The following KDELR3 variants were observed in gnomAD, a reference collection of about 807,000 sequenced individuals.
The protein encoded by KDELR3 is KDEL endoplasmic reticulum protein retention receptor 3, also known as ER lumen protein-retaining receptor 3.
Under a neutral mutation model 22.7 loss-of-function variants are expected in KDELR3, and 26 were observed. That is an observed-to-expected ratio of 1.15 (90% CI 0.84 to 1.59). The LOEUF is 1.59. Among genes scored for constraint, KDELR3 ranks in the 40% most tolerant of loss-of-function variants. The probability of loss-of-function intolerance (pLI) is 0.00; values close to 1 mark genes in which losing one functional copy is unlikely to be tolerated. For missense variants in KDELR3, 289 were observed against 251.1 expected (o/e 1.15, Z -1.02); for synonymous variants, 120 against 98.2 (o/e 1.22, Z -1.31).
Position 38,481,455 on chromosome 22 carries a change from G to A in KDELR3, c.595G>A (p.Val199Met). ...IFYCDFFYLY[V>M]TKVLKGKKLS... Reference sequence around the variant, plus strand: ...CTACTGTGACTTCTTCTACTTGTATGTGACCAAAGGTAGGTCCTGGGATGA... The same window carrying A: ...CTACTGTGACTTCTTCTACTTGTATATGACCAAAGGTAGGTCCTGGGATGA... The change falls in exon 4 of 5, where the codon GTG (valine) becomes ATG (methionine). Residue 199 changes from valine (V) to methionine (M), a missense_variant. Physicochemically the swap from Val to Met is conservative, Grantham distance 21. Transcript: ENST00000216014. 6.2e-7 allele frequency: 1 copy of A among 1,614,128 alleles called. No homozygotes were observed. Among genetic ancestry groups the A allele is most frequent in the Non-Finnish European group, 8.5e-7 (1 of 1,180,026 alleles).
chr22:38,482,485 T>G lies in KDELR3; in HGVS notation c.605-11T>G. On this transcript the variant is annotated splice_polypyrimidine_tract_variant and intron_variant, in intron 4 of 4. Coordinates refer to ENST00000216014, the MANE Select transcript of KDELR3 (RefSeq NM_006855.4). The stretch of plus-strand genomic sequence containing the variant: ...ATGGTAAATTCTTATTTCATCTCCA[T>G]TTTCTTCCAGTCCTTAAGGGAAAGA... 6.2e-7 allele frequency: 1 copy of G among 1,607,788 alleles called. No individual in the cohort carries two copies. The highest frequency in any genetic ancestry group is 1.1e-5 in the South Asian group (1 of 90,936).
In KDELR3 at chr22:38,479,873, T is replaced by C. The variant is rs1447188716; in HGVS notation, c.351+122T>C. ...CCATTACTCATGTATCTTTCAGTTA[T>C]AAGTTGAGAAGAAATTGACAAGCTA... is the stretch of plus-strand genomic sequence containing the variant. On this transcript the variant is annotated intron_variant, in intron 3 of 4. Coordinates refer to ENST00000216014, the MANE Select transcript of KDELR3 (RefSeq NM_006855.4). 1.4e-5 allele frequency: 13 copies of C among 909,146 alleles called. No homozygotes were observed. In the East Asian group the frequency reaches 2.9e-4, roughly 20 times the overall value. 56.3% of individuals were successfully genotyped at this position (909,146 alleles called of 1,614,324 possible).
chr22:38,481,915 G>C (rs2089605653), intron 4 of KDELR3, among the ~76,000 whole-genome samples: 1 of 152,132 alleles, frequency 6.6e-6, no homozygotes, highest in Non-Finnish European at 1.5e-5. Flanking sequence ...TACACTGATA[G>C]CTTATGAGCA....
chr22:38,481,436 T>G lies in KDELR3; in HGVS notation c.576T>G (p.Cys192Trp). The change falls in exon 4 of 5, where the codon TGT (cysteine) becomes TGG (tryptophan). Residue 192 changes from cysteine to tryptophan, a missense_variant. By Grantham distance (215) the Cys-to-Trp change is radical. Transcript: ENST00000216014. Reference sequence around the variant, plus strand: ...GAGTAGTACAAACCATCTTCTACTGTGACTTCTTCTACTTGTATGTGACCA... The same window carrying G: ...GAGTAGTACAAACCATCTTCTACTGGGACTTCTTCTACTTGTATGTGACCA... ...VSGVVQTIFYCDFFYLYVTKV... is the reference protein window; with the variant it reads ...VSGVVQTIFYWDFFYLYVTKV... The G allele has an allele frequency of 1.2e-6, 2 of 1,614,206 alleles. No homozygotes were observed. Among genetic ancestry groups the G allele is most frequent in the Non-Finnish European group, 1.7e-6 (2 of 1,180,022 alleles).
intron 2 of KDELR3, among the ~76,000 whole-genome samples, chr22:38,476,671 C>CGTG (rs1477594181): frequency 6.6e-6 from 1 of 151,348 alleles, no homozygotes; most frequent in Non-Finnish European, 1.5e-5. Flanking sequence ...ATTACAGGCA[C>CGTG]CCACCACCAC....
chr22:38,474,781 G>C (rs2089547125), intron 2 of KDELR3, among the ~76,000 whole-genome samples, 158 bp downstream of exon 2: 1 of 152,066 alleles, frequency 6.6e-6, no homozygotes, highest in South Asian at 2.1e-4. Context: ...GGGCCTCTTT[G>C]TATGTCAGTG....
intron 4 of KDELR3, 151 bp from the exon 5 acceptor site, chr22:38,482,345 G>C: frequency 1.5e-6 from 1 of 669,084 alleles, no homozygotes; most frequent in East Asian, 2.7e-5. Context: ...TAGGTCCATA[G>C]TCAACCGGAG....
rs969321159 is a variant in KDELR3, at chr22:38,481,678, G to C, written c.604+214G>C. On this transcript the variant is annotated intron_variant, in intron 4 of 4. Coordinates refer to ENST00000216014, the MANE Select transcript of KDELR3 (RefSeq NM_006855.4). Reference sequence around the variant, plus strand: ...TATGTGTACTATGCAAGACAGCTGTGAGATGACATTTGACAGAATACTTGG... The same window carrying C: ...TATGTGTACTATGCAAGACAGCTGTCAGATGACATTTGACAGAATACTTGG... The C allele has an allele frequency of 2.9e-6, 4 of 1,386,112 alleles. No homozygotes were observed. In the African/African-American group the frequency reaches 4.4e-5, roughly 15 times the overall value. The allele number at this position is 1,386,112 out of a possible 1,614,324, so 85.9% of individuals were successfully genotyped here.
At chr22:38,472,690 T>TTTTTG (rs535965646) in intron 1 of KDELR3, among the ~76,000 whole-genome samples, 5 of 152,024 alleles carry the variant, frequency 3.3e-5, no homozygotes, top group Non-Finnish European at 7.4e-5. Flanking sequence ...ATACGATGTT[T>TTTTTG]TTTTGTTTTG....
chr22:38,475,611 C>A (rs1159924192), intron 2 of KDELR3, among the ~76,000 whole-genome samples: 1 of 152,178 alleles, frequency 6.6e-6, no homozygotes, highest in African/African-American at 2.4e-5. Context: ...ATGTAAAGAT[C>A]AAAGGACACA....
intron 1 of KDELR3, among the ~76,000 whole-genome samples, chr22:38,470,750 G>A (rs1302551807): frequency 2.0e-5 from 3 of 152,128 alleles, no homozygotes; most frequent in African/African-American, 4.8e-5. Flanking sequence ...GAGGGACTCT[G>A]GCCAGTCCAG....
chr22:38,472,795 G>T (rs1046563191), intron 1 of KDELR3, among the ~76,000 whole-genome samples: 1 of 152,150 alleles, frequency 6.6e-6, no homozygotes, highest in Non-Finnish European at 1.5e-5. Flanking sequence ...CACCTCCTGG[G>T]TTCAAGCGAT....
At chr22:38,468,994 A>G (rs1279494384) in intron 1 of KDELR3, among the ~76,000 whole-genome samples, 1 of 152,224 alleles carries the variant, frequency 6.6e-6, no homozygotes, top group African/African-American at 2.4e-5. Flanking sequence ...TCCTCCAGCC[A>G]TCTTTGTCCA....
chr22:38,468,371 C>G, intron 1 of KDELR3, 47 bp downstream of exon 1: 2 of 1,563,920 alleles, frequency 1.3e-6, no homozygotes, highest in Non-Finnish European at 1.8e-6. Context: ...CTCTGGCCAG[C>G]CTCATGCCCC....
chr22:38,471,415 C>T (rs1238626253), intron 1 of KDELR3, among the ~76,000 whole-genome samples: 1 of 152,194 alleles, frequency 6.6e-6, no homozygotes, highest in Admixed American at 6.5e-5. Flanking sequence ...TCAGTATGGC[C>T]TCCCCCAGTG....
In KDELR3 at chr22:38,472,254, G is replaced by GA. The variant is rs779848024; in HGVS notation, c.92-2269_92-2268insA. ...GCACTTTGGGAGGCCGAAGTGGGCA[G>GA]TCACTTGAGGTCAGGAGTTCGAGAC... is the stretch of plus-strand genomic sequence containing the variant. On this transcript the variant is annotated intron_variant, in intron 1 of 4. Transcript: ENST00000216014. Among the ~76,000 whole-genome samples, 73 of 152,218 alleles carry GA rather than the reference G, an allele frequency of 4.8e-4. 1 individual carries two copies. The highest frequency in any genetic ancestry group is 1.5e-3 in the Admixed American group (23 of 15,280).
chr22:38,478,481 G>C (rs1212730075), intron 2 of KDELR3, among the ~76,000 whole-genome samples: 1 of 128,750 alleles, frequency 7.8e-6, no homozygotes, highest in East Asian at 2.4e-4. Context: ...GTTGCAGTGA[G>C]ACAAGACTGC....
chr22:38,477,355 C>A (rs1480964292), intron 2 of KDELR3, among the ~76,000 whole-genome samples: 1 of 151,794 alleles, frequency 6.6e-6, no homozygotes, highest in Non-Finnish European at 1.5e-5. Context: ...CAGGTGCACA[C>A]CACCATGCCT....
Position 38,481,224 on chromosome 22 carries a change from T to C in KDELR3, c.364T>C (p.Phe122Leu), listed in dbSNP as rs758160492. The C allele has an allele frequency of 3.1e-6, 5 of 1,613,800 alleles. No individual in the cohort carries two copies. In the South Asian group the frequency reaches 3.3e-5, roughly 11 times the overall value. ...CTCTTTGGCTCAGATCCTCTGGACT[T>C]TCTCTATCTATCTGGAATCAGTGGC... ...SFTLLEILWT[F>L]SIYLESVAIL... Residue 122 changes from phenylalanine (F) to leucine (L), a missense_variant, in exon 4 of 5, where the codon TTC (phenylalanine) becomes CTC (leucine). Coordinates refer to ENST00000216014, the MANE Select transcript of KDELR3 (RefSeq NM_006855.4).
Sources: allele counts gnomAD v4.1 joint callset (sites outside exome capture counted in the v4.1 genomes callset), GRCh38; gene constraint gnomAD v4.1.1; transcripts MANE v1.5; gene names NCBI Gene and HGNC (gene_info 2026-07-23, HGNC 2026-07-21).